Variants in FAHD2A observed in about 807,000 individuals in gnomAD.
The protein encoded by FAHD2A is fumarylacetoacetate hydrolase domain containing 2A.
FAHD2A carries 27 observed loss-of-function variants against 33.4 expected under a neutral mutation model. The ratio of observed to expected loss-of-function variants is 0.81; its 90% CI spans 0.60 to 1.11. FAHD2A has a LOEUF of 1.11. Among genes scored for constraint, FAHD2A ranks in the 50% most tolerant of loss-of-function variants. The pLI is 0.00. For missense variants in FAHD2A, 296 were observed against 395.0 expected, an observed-to-expected ratio of 0.75 and a Z score of 2.12; for synonymous variants, 130 against 153.3, an observed-to-expected ratio of 0.85 and a Z score of 1.12.
At chr2:95,403,505 G>A (rs1256415049) in intron 1 of FAHD2A, among the ~76,000 whole-genome samples, 1 of 152,186 alleles carries the variant, frequency 6.6e-6, no homozygotes, top group African/African-American at 2.4e-5. Context: ...GATCTCCTGT[G>A]GGAGGTCCCT....
At chr2:95,408,494 G>A (rs754135661) in intron 3 of FAHD2A, among the ~76,000 whole-genome samples, 5 of 152,322 alleles carry the variant, frequency 3.3e-5, no homozygotes, top group Admixed American at 6.5e-5. Flanking sequence ...ACAGTTCCAC[G>A]TGGCTAGGGA....
rs1230346499 is a variant in FAHD2A at position 95,412,663 on chromosome 2, C to T, written c.795-14C>T. On this transcript the variant is annotated splice_polypyrimidine_tract_variant and intron_variant, in intron 6 of 7. Transcript: ENST00000233379. Reference sequence around the variant, plus strand: ...CAGCCCCTGGTCTCACCGGGTCCTTCTGCTTTGATCCAGGTTTGTTACCTT... The same window carrying T: ...CAGCCCCTGGTCTCACCGGGTCCTTTTGCTTTGATCCAGGTTTGTTACCTT... The T allele has an allele frequency of 6.2e-6, 10 of 1,613,980 alleles. No homozygotes were observed. The highest frequency in any genetic ancestry group is 5.0e-5 in the Admixed American group (3 of 59,986).
downstream of FAHD2A, among the ~76,000 whole-genome samples, chr2:95,417,199 A>G (rs181936584): frequency 3.3e-5 from 5 of 152,364 alleles, no homozygotes; most frequent in East Asian, 3.9e-4. Context: ...GCCTCCATCA[A>G]TGAAATGAAG....
At chr2:95,420,306 G>A (rs1683298263), downstream of FAHD2A, among the ~76,000 whole-genome samples, 2 of 152,112 alleles carry the variant, frequency 1.3e-5, no homozygotes, top group African/African-American at 4.8e-5. Flanking sequence ...GGTCACTCAT[G>A]AGACATGCTT....
chr2:95,412,665 G>C lies in FAHD2A; in HGVS notation c.795-12G>C, dbSNP rs1261550097. On this transcript the variant is annotated splice_polypyrimidine_tract_variant and intron_variant, in intron 6 of 7. Transcript: ENST00000233379. ...GCCCCTGGTCTCACCGGGTCCTTCT[G>C]CTTTGATCCAGGTTTGTTACCTTTT... The C allele has an allele frequency of 6.2e-7, 1 of 1,613,908 alleles. No homozygotes were observed. The highest frequency in any genetic ancestry group is 8.5e-7 in the Non-Finnish European group (1 of 1,179,984).
At chr2:95,410,741 T>C in intron 4 of FAHD2A, 123 bp from the exon 5 acceptor site, 7 of 1,552,620 alleles carry the variant, frequency 4.5e-6, no homozygotes, top group Non-Finnish European at 6.1e-6. Flanking sequence ...TGCCTTTCCC[T>C]TCACCCACCT....
At chr2:95,411,813 T>C (rs1240617669) in intron 5 of FAHD2A, among the ~76,000 whole-genome samples, 2 of 152,100 alleles carry the variant, frequency 1.3e-5, no homozygotes, top group Non-Finnish European at 2.9e-5. Context: ...TTTGCCATGG[T>C]CTTACTGTGT....
chr2:95,416,802 A>G (rs1181970242), downstream of FAHD2A, among the ~76,000 whole-genome samples: 1 of 152,246 alleles, frequency 6.6e-6, no homozygotes, highest in Non-Finnish European at 1.5e-5. Flanking sequence ...CATATGAACT[A>G]GGAGATACCC....
intron 5 of FAHD2A, among the ~76,000 whole-genome samples, chr2:95,411,607 C>G (rs537794197): frequency 2.0e-5 from 3 of 152,318 alleles, no homozygotes; most frequent in Non-Finnish European, 2.9e-5. Context: ...ATGCAGAGTC[C>G]TCAGCAAAGT....
chr2:95,410,220 G>T (rs1294110440), intron 3 of FAHD2A, among the ~76,000 whole-genome samples: 2 of 152,206 alleles, frequency 1.3e-5, no homozygotes, highest in Non-Finnish European at 2.9e-5. Flanking sequence ...TTTATCCTTT[G>T]TTAAAAGTAT....
Position 95,413,419 on chromosome 2 carries a change from A to C in FAHD2A, c.*462A>C, listed in dbSNP as rs572645410. On this transcript the variant is annotated 3_prime_UTR_variant, in exon 8 of 8. Coordinates refer to ENST00000233379, the MANE Select transcript of FAHD2A (RefSeq NM_016044.3). The stretch of plus-strand genomic sequence containing the variant: ...AGGACACAGCTGTGTTCTGGGGCTC[A>C]GAAGTCTCAGCACAGGCTCCTTCTC... The C allele has an allele frequency of 1.2e-6, 2 of 1,602,356 alleles. No individual in the cohort carries two copies. The highest frequency in any genetic ancestry group is 2.7e-5 in the African/African-American group (2 of 74,090).
At chr2:95,417,468 A>G (rs1423423228), downstream of FAHD2A, among the ~76,000 whole-genome samples, 2 of 152,226 alleles carry the variant, frequency 1.3e-5, no homozygotes, top group African/African-American at 4.8e-5. Context: ...GGCTTTGGGA[A>G]AAAAAATGCA....
Position 95,414,181 on chromosome 2 carries a change from C to G in FAHD2A, c.*1224C>G. ...CTAGAGTTGGGTTGTCACTGTCCGG[C>G]AGGGGGCAGCAGCCACCAGCAAACA... On this transcript the variant is annotated 3_prime_UTR_variant, in exon 8 of 8. Coordinates refer to ENST00000233379, the MANE Select transcript of FAHD2A (RefSeq NM_016044.3). The G allele has an allele frequency of 3.2e-6, 5 of 1,576,928 alleles. No individual in the cohort carries two copies. The highest frequency in any genetic ancestry group is 4.3e-6 in the Non-Finnish European group (5 of 1,162,838).
chr2:95,412,353 C>T, intron 5 of FAHD2A, 81 bp from the exon 6 acceptor site: 1 of 1,553,140 alleles, frequency 6.4e-7, no homozygotes, highest in Admixed American at 1.7e-5. Flanking sequence ...TCACGAAGCA[C>T]CCCTACAGTT....
At chr2:95,406,651 G>A (rs1386494539) in intron 2 of FAHD2A, among the ~76,000 whole-genome samples, 4 of 152,072 alleles carry the variant, frequency 2.6e-5, no homozygotes, top group South Asian at 4.2e-4. Context: ...CCAGGGGAAC[G>A]GGGTAACCGG....
chr2:95,412,186 A>G (rs892013617), intron 5 of FAHD2A, among the ~76,000 whole-genome samples: 11 of 151,166 alleles, frequency 7.3e-5, no homozygotes, highest in African/African-American at 2.7e-4. Context: ...CTTCCCCTTC[A>G]GAGTCTGAAA....
chr2:95,413,716 GC>G lies in FAHD2A; in HGVS notation c.*763del. ...TGAGTGCAAATGCTGCCTCAAAGCAGCCCCAATACCCCACCTAGAAGGATGA... is the reference window on the plus strand; with the variant it reads ...TGAGTGCAAATGCTGCCTCAAAGCAGCCCAATACCCCACCTAGAAGGATGA... On this transcript the variant is annotated 3_prime_UTR_variant, in exon 8 of 8. Transcript: ENST00000233379. 2.3e-6 allele frequency: 2 copies of G among 869,108 alleles called. No individual in the cohort carries two copies. Among genetic ancestry groups the G allele is most frequent in the South Asian group, 3.7e-5 (2 of 54,226 alleles). The allele number at this position is 869,108 out of a possible 1,614,324, so 53.8% of individuals were successfully genotyped here.
chr2:95,411,078 C>T (rs540282029), intron 5 of FAHD2A, 52 bp downstream of exon 5: 12 of 1,603,252 alleles, frequency 7.5e-6, no homozygotes, highest in Middle Eastern at 1.7e-4. Flanking sequence ...AGATGAACAG[C>T]GCTTCAGGGA....
chr2:95,414,210 C>T lies in FAHD2A; in HGVS notation c.*1253C>T. Reference sequence around the variant, plus strand: ...GGGCAGCAGCCACCAGCAAACACCACTGCCTGCAGGAGCCTGGGCTGACTG... The same window carrying T: ...GGGCAGCAGCCACCAGCAAACACCATTGCCTGCAGGAGCCTGGGCTGACTG... On this transcript the variant is annotated 3_prime_UTR_variant, in exon 8 of 8. Transcript: ENST00000233379. 1 of 1,593,022 alleles carries T rather than the reference C, an allele frequency of 6.3e-7. No individual in the cohort carries two copies. The highest frequency in any genetic ancestry group is 8.5e-7 in the Non-Finnish European group (1 of 1,170,910).
Sources: allele counts gnomAD v4.1 joint callset (sites outside exome capture counted in the v4.1 genomes callset), GRCh38; gene constraint gnomAD v4.1.1; transcripts MANE v1.5; gene names NCBI Gene and HGNC (gene_info 2026-07-23, HGNC 2026-07-21).